Variants in ITPR2 observed in about 807,000 individuals in gnomAD.
ITPR2 encodes inositol 1,4,5-trisphosphate receptor type 2.
A neutral mutation model predicts 317.1 loss-of-function variants in ITPR2; 207 were observed. That is an observed-to-expected ratio of 0.65 (90% CI 0.58 to 0.73). The LOEUF is 0.73. Ranked by LOEUF, ITPR2 falls within the 30% of genes least tolerant of loss-of-function variation. ITPR2 has a pLI of 0.00. For synonymous variants in ITPR2, 1,156 were observed against 1,149.1 expected, an observed-to-expected ratio of 1.01 and a Z score of -0.12; for missense variants, 2,613 against 3,284.0, an observed-to-expected ratio of 0.80 and a Z score of 4.99.
At chr12:26,475,439 T>C (rs761323263) in intron 44 of ITPR2, 21 bp from the exon 45 acceptor site, 1 of 1,598,556 alleles carries the variant, frequency 6.3e-7, no homozygotes, top group Non-Finnish European at 8.5e-7. Flanking sequence ...AAAAAAAGAA[T>C]ATTGAAATGC....
At chr12:26,771,329 C>G (rs1949839123) in intron 2 of ITPR2, among the ~76,000 whole-genome samples, 1 of 152,112 alleles carries the variant, frequency 6.6e-6, no homozygotes, top group Non-Finnish European at 1.5e-5. Flanking sequence ...CTTTTACCCC[C>G]TTTCTACCAA....
At chr12:26,622,540 C>G in intron 24 of ITPR2, 135 bp from the exon 25 acceptor site, 1 of 639,186 alleles carries the variant, frequency 1.6e-6, no homozygotes, top group Non-Finnish European at 2.5e-6. Flanking sequence ...AAAACATTTT[C>G]TTTGTTTTCC....
intron 23 of ITPR2, among the ~76,000 whole-genome samples, chr12:26,625,700 T>C (rs1448749168): frequency 1.3e-5 from 2 of 152,234 alleles, no homozygotes; most frequent in Non-Finnish European, 2.9e-5. Flanking sequence ...CATATGCACA[T>C]ACTTACATAT....
At chr12:26,554,708 A>G (rs1250154455) in intron 36 of ITPR2, among the ~76,000 whole-genome samples, 1 of 152,100 alleles carries the variant, frequency 6.6e-6, no homozygotes, top group East Asian at 1.9e-4. Context: ...CTTTTAACCC[A>G]TATTCCATAC....
intron 2 of ITPR2, among the ~76,000 whole-genome samples, chr12:26,763,377 G>A (rs1455696281): frequency 6.6e-6 from 1 of 152,152 alleles, no homozygotes; most frequent in South Asian, 2.1e-4. Context: ...GTGAAAACAA[G>A]CTAGTGAAAA....
At chr12:26,678,112 T>G (rs1406215771) in intron 13 of ITPR2, among the ~76,000 whole-genome samples, 1 of 152,162 alleles carries the variant, frequency 6.6e-6, no homozygotes, top group African/African-American at 2.4e-5. Context: ...GAACTCTCAC[T>G]GTTTGAGAGT....
intron 1 of ITPR2, among the ~76,000 whole-genome samples, chr12:26,826,488 C>T (rs1358456325): frequency 2.0e-5 from 3 of 152,092 alleles, no homozygotes; most frequent in African/African-American, 7.2e-5. Context: ...AGACATCCAT[C>T]CCTGAACATG....
chr12:26,424,051 G>C (rs958036219), intron 49 of ITPR2, among the ~76,000 whole-genome samples: 1 of 152,104 alleles, frequency 6.6e-6, no homozygotes, highest in Non-Finnish European at 1.5e-5. Context: ...GTGAAAAACA[G>C]AGTCCAGAAA....
chr12:26,682,124 A>G, intron 12 of ITPR2, 90 bp from the exon 13 acceptor site: 2 of 1,075,344 alleles, frequency 1.9e-6, no homozygotes, highest in East Asian at 4.8e-5. Flanking sequence ...TAAGAAATAT[A>G]AGACAAGAAT....
intron 21 of ITPR2, among the ~76,000 whole-genome samples, chr12:26,647,779 A>G (rs1020231315): frequency 2.0e-5 from 3 of 152,250 alleles, no homozygotes; most frequent in Non-Finnish European, 4.4e-5. Flanking sequence ...TGTATAGCCA[A>G]TGAAAGGTAT....
At chr12:26,669,478 T>C (rs910950756) in intron 13 of ITPR2, among the ~76,000 whole-genome samples, 2 of 152,062 alleles carry the variant, frequency 1.3e-5, no homozygotes, top group Non-Finnish European at 1.5e-5. Context: ...AAAACAAAAA[T>C]AAAACTCCTT....
chr12:26,478,036 ATAGAATGAAAAT>A (rs1177233375), intron 43 of ITPR2, among the ~76,000 whole-genome samples: 32 of 152,284 alleles, frequency 2.1e-4, no homozygotes, highest in African/African-American at 7.0e-4. Flanking sequence ...TTAACATATC[ATAGAATGAAAAT>A]TAAACTGAAT....
intron 37 of ITPR2, among the ~76,000 whole-genome samples, chr12:26,536,268 G>A (rs1008085868): frequency 6.6e-6 from 1 of 152,148 alleles, no homozygotes; most frequent in African/African-American, 2.4e-5. Flanking sequence ...GTGGTCACTG[G>A]TTATTCTGGC....
chr12:26,430,383 C>T (rs949895403), intron 48 of ITPR2, among the ~76,000 whole-genome samples: 1 of 152,202 alleles, frequency 6.6e-6, no homozygotes, highest in Admixed American at 6.5e-5. Context: ...CCTGCCTCAG[C>T]CTCCCGAGTA....
intron 45 of ITPR2, among the ~76,000 whole-genome samples, chr12:26,466,675 A>T (rs1180860536): frequency 6.6e-6 from 1 of 152,224 alleles, no homozygotes; most frequent in East Asian, 1.9e-4. Flanking sequence ...TACTTTGCAA[A>T]TGCAGCTCAC....
At chr12:26,467,759 C>T (rs1942202921) in intron 45 of ITPR2, among the ~76,000 whole-genome samples, 2 of 152,108 alleles carry the variant, frequency 1.3e-5, no homozygotes, top group Non-Finnish European at 2.9e-5. Flanking sequence ...CCATTTCAAT[C>T]CATTTCCTAG....
At chr12:26,653,655 T>C (rs892176652) in intron 21 of ITPR2, among the ~76,000 whole-genome samples, 3 of 152,200 alleles carry the variant, frequency 2.0e-5, no homozygotes, top group Non-Finnish European at 4.4e-5. Flanking sequence ...GGCAGGAGAA[T>C]TGCTTGAACC....
chr12:26,490,473 T>C (rs2136861400), intron 39 of ITPR2, among the ~76,000 whole-genome samples: 1 of 152,358 alleles, frequency 6.6e-6, no homozygotes, highest in South Asian at 2.1e-4. Context: ...TAAGGACTTA[T>C]AATTTACTAG....
intron 2 of ITPR2, among the ~76,000 whole-genome samples, chr12:26,757,082 A>G (rs1010462422): frequency 9.2e-5 from 14 of 152,186 alleles, no homozygotes; most frequent in African/African-American, 3.1e-4. Context: ...ATTACCCTAT[A>G]TGGTCTAAAA....
Sources: gnomAD v4.1 joint callset for allele counts (sites outside exome capture counted in the v4.1 genomes callset) on GRCh38, gnomAD v4.1.1 for gene constraint, MANE v1.5 for transcripts, NCBI Gene and HGNC (gene_info 2026-07-23, HGNC 2026-07-21) for gene names.